ERI2: variants seen among roughly 807,000 people sequenced by gnomAD.
The protein encoded by ERI2 is ERI1 exoribonuclease 2.
In ERI2, 35 loss-of-function variants were observed where a neutral mutation model predicts 46.8. That is an observed-to-expected ratio of 0.75 (90% CI 0.57 to 0.99). The LOEUF (loss-of-function observed/expected upper bound fraction) is 0.99, where lower values mean the gene tolerates loss of function less well. Ranked by LOEUF, ERI2 falls within the 50% of genes least tolerant of loss-of-function variation. ERI2 has a pLI of 0.00. For synonymous variants in ERI2, 224 were observed against 271.0 expected, an observed-to-expected ratio of 0.83 and a Z score of 1.70; for missense variants, 695 against 796.2, an observed-to-expected ratio of 0.87 and a Z score of 1.53.
At chr16:20,786,053 C>T in intron 10 of ERI2, 1 of 1,436,590 alleles carries the variant, frequency 7.0e-7, no homozygotes. Flanking sequence ...GTAATGTTAT[C>T]TTACTTTTTC....
intron 1 of ERI2, among the ~76,000 whole-genome samples, chr16:20,804,608 G>C (rs2080832729): frequency 6.6e-6 from 1 of 152,158 alleles, no homozygotes; most frequent in South Asian, 2.1e-4. Context: ...GGAGACTGCA[G>C]TGAGCCGAGA....
chr16:20,799,000 G>C lies in ERI2; in HGVS notation c.800C>G (p.Ser267Cys). ...NLNTIQVEEMSACNISIQGPS... is the reference protein window; with the variant it reads ...NLNTIQVEEMCACNISIQGPS... ...ACCCTGGATGCTAATGTTACAGGCA[G>C]ACATTTCTTCAACTTGAATTGTATT... The change falls in exon 9 of 9, where the codon TCT (serine) becomes TGT (cysteine). Residue 267 changes from serine (S) to cysteine (C), a missense_variant. Coordinates refer to ENST00000357967, the MANE Select transcript of ERI2 (RefSeq NM_001142725.2). The C allele has an allele frequency of 6.5e-7, 1 of 1,535,616 alleles. No individual in the cohort carries two copies. Among genetic ancestry groups the C allele is most frequent in the Non-Finnish European group, 8.7e-7 (1 of 1,143,092 alleles).
rs756556739 is a variant in ERI2, at chr16:20,797,877, T to G, written c.1923A>C (p.Gln641His). The G allele has an allele frequency of 6.4e-6, 10 of 1,551,654 alleles. No individual in the cohort carries two copies. In the South Asian group the frequency reaches 1.2e-4, roughly 18 times the overall value. Residue 641 changes from glutamine (Q) to histidine (H), a missense_variant, in exon 9 of 9, where the codon CAA becomes CAC. Physicochemically the swap from Gln to His is conservative, Grantham distance 24. Transcript: ENST00000357967. The stretch of plus-strand genomic sequence containing the variant: ...TGTTGGCTCTTTCCTTTTGAAGTGT[T>G]TGTTCCCATTTGAAATAACCACAAC... ...RKCCGYFKWE[Q>H]TLQKERANSM...
chr16:20,803,768 AT>A, intron 1 of ERI2, 98 bp from the exon 2 acceptor site: 1 of 1,406,044 alleles, frequency 7.1e-7, no homozygotes. Context: ...CAATCTCATT[AT>A]TTATTGTGAC....
exon 11 of ERI2, chr16:20,780,283 G>A: frequency 4.2e-6 from 1 of 236,318 alleles, no homozygotes; most frequent in South Asian, 5.9e-5. Context: ...AGTACCCATG[G>A]CTTTTACTAA....
At chr16:20,806,223 A>C in intron 1 of ERI2, 185 bp downstream of exon 1, 1 of 1,407,900 alleles carries the variant, frequency 7.1e-7, no homozygotes, top group Admixed American at 3.1e-5. Flanking sequence ...AGGTGGCCCA[A>C]GGCTGAAGAC....
rs138948625 is a variant in ERI2, at chr16:20,798,451, A to G, written c.1349T>C (p.Leu450Ser). 2.4e-3 allele frequency: 3,665 copies of G among 1,551,020 alleles called. 21 individuals are homozygous for G. The highest frequency in any genetic ancestry group is 0.017 in the East Asian group (678 of 40,916). Residue 450 changes from leucine to serine, a missense_variant, in exon 9 of 9, where the codon TTG becomes TCG. By Grantham distance (145) the Leu-to-Ser change is moderately radical. Coordinates refer to ENST00000357967, the MANE Select transcript of ERI2 (RefSeq NM_001142725.2). Reference sequence around the variant, plus strand: ...AAAGTTTTCATGACTTGACATTTCCAATTCTTTCAAAACCATTAATCTTTC... The same window carrying G: ...AAAGTTTTCATGACTTGACATTTCCGATTCTTTCAAAACCATTAATCTTTC... Reference protein sequence around the residue: ...SGERLMVLKELEMSSHENFGD... With the variant: ...SGERLMVLKESEMSSHENFGD...
At chr16:20,805,933 G>T in intron 1 of ERI2, 1 of 1,003,170 alleles carries the variant, frequency 1.0e-6, no homozygotes, top group South Asian at 4.5e-5. Flanking sequence ...AACTGCTGGC[G>T]AGTGTACCCT....
chr16:20,790,596 G>A lies in ERI2; in HGVS notation c.815+254C>T. ...TTCTATTTTATCCTAGATTGTAGAT[G>A]TAAATGGCAATGTTCTACCTCCTGG... On this transcript the variant is annotated intron_variant, in intron 9 of 10. Coordinates refer to the ERI2 transcript ENST00000300005. The surrounding 1 kb of genome is among the most constrained non-coding windows in gnomAD (Gnocchi z 4.0). 1 of 1,613,804 alleles carries A rather than the reference G, an allele frequency of 6.2e-7. No homozygotes were observed. The highest frequency in any genetic ancestry group is 1.7e-5 in the Admixed American group (1 of 60,006).
At chr16:20,781,767 T>C (rs2080358451) in intron 10 of ERI2, 2 of 1,611,328 alleles carry the variant, frequency 1.2e-6, no homozygotes, top group Non-Finnish European at 1.7e-6. Flanking sequence ...ACCGAATGCT[T>C]GTACAGAATG....
chr16:20,781,383 A>T (rs1421732299), intron 10 of ERI2, among the ~76,000 whole-genome samples: 1 of 152,206 alleles, frequency 6.6e-6, no homozygotes, highest in Non-Finnish European at 1.5e-5. Flanking sequence ...TACAACAATT[A>T]AAAAAATGCA....
At position 20,798,453 on chromosome 16, in the gene ERI2, T is replaced by C; in HGVS notation, c.1347A>G (p.Glu449=). The change falls in exon 9 of 9, where the codon GAA becomes GAG. Residue 449 remains glutamate (E), a synonymous_variant. Transcript: ENST00000357967. ...AGTTTTCATGACTTGACATTTCCAA[T>C]TCTTTCAAAACCATTAATCTTTCTC... ...NSGERLMVLK[E]LEMSSHENFG... The C allele has an allele frequency of 6.4e-7, 1 of 1,551,074 alleles. No homozygotes were observed. Among genetic ancestry groups the C allele is most frequent in the South Asian group, 1.2e-5 (1 of 83,854 alleles).
chr16:20,790,502 G>A lies in ERI2; in HGVS notation c.815+348C>T, dbSNP rs2080573113. The stretch of plus-strand genomic sequence containing the variant: ...AAGTCTTCATTTTTAAATGGCAAAA[G>A]CCAAAATAAAACTTGCAAAGTTAAT... On this transcript the variant is annotated intron_variant, in intron 9 of 10. Transcript: ENST00000300005. The surrounding 1 kb of genome is among the most constrained non-coding windows in gnomAD (Gnocchi z 4.0). 1.5e-6 allele frequency: 2 copies of A among 1,365,470 alleles called. No homozygotes were observed. The highest frequency in any genetic ancestry group is 2.4e-5 in the East Asian group (1 of 41,988). 84.6% of individuals were successfully genotyped at this position (1,365,470 alleles called of 1,614,324 possible). A position where few individuals can be genotyped will look rare whatever the true frequency, so the allele number is the denominator to read the frequency against.
At chr16:20,795,686 G>A (rs759814363), downstream of ERI2, among the ~76,000 whole-genome samples, 4 of 152,192 alleles carry the variant, frequency 2.6e-5, no homozygotes, top group African/African-American at 4.8e-5. Flanking sequence ...GTAATCTGGC[G>A]TTGGAGGTAC....
chr16:20,802,613 A>G (rs945874726), intron 4 of ERI2, among the ~76,000 whole-genome samples, 183 bp downstream of exon 4: 2 of 144,734 alleles, frequency 1.4e-5, no homozygotes, highest in Admixed American at 7.0e-5. Context: ...GGTTCTCACT[A>G]TGTTGTCTAG....
chr16:20,783,962 T>A (rs1194622030), intron 10 of ERI2, among the ~76,000 whole-genome samples: 2 of 152,204 alleles, frequency 1.3e-5, no homozygotes, highest in African/African-American at 4.8e-5. Context: ...TGCACCACCA[T>A]GCCTGGCTAC....
intron 10 of ERI2, chr16:20,783,262 C>T (rs1231140587): frequency 6.6e-6 from 1 of 152,108 alleles, no homozygotes; most frequent in African/African-American, 2.4e-5. Flanking sequence ...CCTAGCACAC[C>T]CATCACTTGG....
At chr16:20,799,569 G>C in intron 7 of ERI2, 2 of 554,414 alleles carry the variant, frequency 3.6e-6, no homozygotes, top group Non-Finnish European at 6.3e-6. Context: ...CACATTTATA[G>C]AGGAGGATAT....
chr16:20,788,433 C>T (rs1326751716), intron 10 of ERI2, among the ~76,000 whole-genome samples: 1 of 152,210 alleles, frequency 6.6e-6, no homozygotes, highest in African/African-American at 2.4e-5. Flanking sequence ...TTTTCTAGAG[C>T]AGCTATCTTT....
Sources: gnomAD v4.1 joint callset for allele counts (sites outside exome capture counted in the v4.1 genomes callset) on GRCh38, gnomAD v4.1.1 for gene constraint, Gnocchi (gnomAD v3.1) non-coding constraint, MANE v1.5 for transcripts, NCBI Gene and HGNC (gene_info 2026-07-23, HGNC 2026-07-21) for gene names.